Variants in PEG3 observed in about 807,000 individuals in gnomAD.
PEG3 encodes the protein paternally-expressed gene 3 protein.
Under a neutral mutation model 35.5 loss-of-function variants are expected in PEG3, and 23 were observed. The ratio of observed to expected loss-of-function variants is 0.65; its 90% CI spans 0.47 to 0.92. The LOEUF is 0.92. PEG3 is among the 40% of genes least tolerant of loss of function. The pLI is 0.00. For missense variants in PEG3, 1,960 were observed against 1,985.3 expected (o/e 0.99, Z 0.24); for synonymous variants, 707 against 697.0 (o/e 1.01, Z -0.23).
Position 56,812,602 on chromosome 19 carries a change from T to C in PEG3, c.*1073A>G. On this transcript the variant is annotated 3_prime_UTR_variant, in exon 10 of 10. Coordinates refer to ENST00000326441, the MANE Select transcript of PEG3 (RefSeq NM_006210.3). ...CCAAGCCATGTTGCTACTTGTCACT[T>C]AAGGCAGGAAGCGCACAAAGGAAGT... is the stretch of plus-strand genomic sequence containing the variant. The C allele has an allele frequency of 2.0e-6, 2 of 985,736 alleles. No homozygotes were observed. Among genetic ancestry groups the C allele is most frequent in the Non-Finnish European group, 2.4e-6 (2 of 829,886 alleles). 61.1% of individuals were successfully genotyped at this position (985,736 alleles called of 1,614,324 possible).
chr19:56,817,754 G>A lies in PEG3; in HGVS notation c.854C>T (p.Thr285Ile), dbSNP rs1412962644. 6.2e-7 allele frequency: 1 copy of A among 1,613,966 alleles called. No individual in the cohort carries two copies. Among genetic ancestry groups the A allele is most frequent in the Non-Finnish European group, 8.5e-7 (1 of 1,179,860 alleles). ...ATGTGCCTCCTGCTTACCTCGACTG[G>A]TGCTTGGGTAGGCACTTCTCTTGGA... Reference protein sequence around the residue: ...SRSKRSAYPSTSRGLKTMPEA... With the variant: ...SRSKRSAYPSISRGLKTMPEA... Residue 285 changes from threonine (T) to isoleucine (I), a missense_variant, in exon 9 of 10, where the codon ACC (threonine) becomes ATC (isoleucine). This residue lies in a region of PEG3 where 613 missense variants were observed against 577.1 expected (regional missense o/e 1.06). Transcript: ENST00000326441.
At position 56,813,302 on chromosome 19, in the gene PEG3, T is replaced by C; in HGVS notation, c.*373A>G. The C allele has an allele frequency of 1.1e-6, 1 of 951,866 alleles. No homozygotes were observed. The allele number at this position is 951,866 out of a possible 1,614,324, so 59.0% of individuals were successfully genotyped here. A position where few individuals can be genotyped will look rare whatever the true frequency, so the allele number is the denominator to read the frequency against. On this transcript the variant is annotated 3_prime_UTR_variant, in exon 10 of 10. Transcript: ENST00000326441. ...CCAAATATATGTGATCACTGTTCTGTCATAATTTGCTATTTTATATACACC... is the reference window on the plus strand; with the variant it reads ...CCAAATATATGTGATCACTGTTCTGCCATAATTTGCTATTTTATATACACC...
chr19:56,818,764 T>C, intron 7 of PEG3, 62 bp from the exon 8 acceptor site: 1 of 1,574,638 alleles, frequency 6.4e-7, no homozygotes, highest in Non-Finnish European at 8.7e-7. Context: ...AAAGACAGAA[T>C]AATGTTGGCA....
chr19:56,839,795 C>A (rs1392596673), intron 1 of PEG3, among the ~76,000 whole-genome samples: 8 of 152,254 alleles, frequency 5.3e-5, no homozygotes, highest in Non-Finnish European at 8.8e-5. Flanking sequence ...AAACCTCAGC[C>A]ACCCTCATAA....
At chr19:56,825,876 C>T in intron 3 of PEG3, among the ~76,000 whole-genome samples, 1 of 152,162 alleles carries the variant, frequency 6.6e-6, no homozygotes, top group East Asian at 1.9e-4. Flanking sequence ...TCTCATTAGA[C>T]ATTATCACTT....
At position 56,827,183 on chromosome 19, in the gene PEG3, T is replaced by C. The variant is rs543872525; in HGVS notation, c.-162-720A>G. Among the ~76,000 whole-genome samples the C allele has an allele frequency of 2.6e-5, 4 of 152,318 alleles. No homozygotes were observed. The South Asian group carries it at 6.2e-4, about 24-fold the overall frequency. On this transcript the variant is annotated intron_variant, in intron 2 of 9. Transcript: ENST00000326441. ...CACAGAAAAGAGATGGAGGACTTCC[T>C]ACAATTAATTTTGTGACCACTTGAA...
At chr19:56,837,889 G>A (rs2062366520) in intron 1 of PEG3, among the ~76,000 whole-genome samples, 1 of 152,240 alleles carries the variant, frequency 6.6e-6, no homozygotes, top group South Asian at 2.1e-4. Context: ...CTCCTACAGC[G>A]CAGCTGTCAT....
chr19:56,816,852 A>G lies in PEG3; in HGVS notation c.1590T>C (p.Gly530=). The part of the protein sequence containing the change: ...LAEHRKIHAR[G]YLVECKNQEC... ...CCTGATTCTTACATTCCACAAGATAACCTCTAGCATGAATCTTCCGATGTT... is the reference window on the plus strand; with the variant it reads ...CCTGATTCTTACATTCCACAAGATAGCCTCTAGCATGAATCTTCCGATGTT... The change falls in exon 10 of 10, where the codon GGT becomes GGC. Residue 530 remains glycine (G), a synonymous_variant. Coordinates refer to ENST00000326441, the MANE Select transcript of PEG3 (RefSeq NM_006210.3). 2 of 1,613,970 alleles carry G rather than the reference A, an allele frequency of 1.2e-6. No individual in the cohort carries two copies. The highest frequency in any genetic ancestry group is 1.7e-6 in the Non-Finnish European group (2 of 1,179,966).
Position 56,818,719 on chromosome 19 carries a change from A to G in PEG3, c.670-17T>C. On this transcript the variant is annotated splice_polypyrimidine_tract_variant and intron_variant, in intron 7 of 9. Transcript: ENST00000326441. ...TTCAGCATCCTAAAACAGCAAACAC[A>G]GACCTCTCAATGGAGTCTGTCCCCA... 1 of 1,613,618 alleles carries G rather than the reference A, an allele frequency of 6.2e-7. No homozygotes were observed. The highest frequency in any genetic ancestry group is 8.5e-7 in the Non-Finnish European group (1 of 1,179,548).
Position 56,814,322 on chromosome 19 carries a change from C to A in PEG3, c.4120G>T (p.Val1374Phe), listed in dbSNP as rs558829653. 6.2e-7 allele frequency: 1 copy of A among 1,614,166 alleles called. No homozygotes were observed. The highest frequency in any genetic ancestry group is 1.3e-5 in the African/African-American group (1 of 75,052). ...TGTGGAACATGGACATTGGCTTCAA[C>A]TTCCTGGGCTGCTGCTGCTGCAGCT... is the stretch of plus-strand genomic sequence containing the variant. ...AAAAAAAAQE[V>F]EANVHVPQVV... The change falls in exon 10 of 10, where the codon GTT becomes TTT. Residue 1374 changes from valine to phenylalanine, a missense_variant. By Grantham distance (50) the Val-to-Phe change is conservative. Transcript: ENST00000326441. This position sits in a 1 kb window ranked among gnomAD's most constrained non-coding sequence, Gnocchi z 5.8.
rs1171983423 is a variant in PEG3, at chr19:56,810,176, T to C, written c.*3499A>G. ...CAAAAACCTGTGCACAGAAACAAGA[T>C]GAAGAAAATATATCAAGATGTTAAC... On this transcript the variant is annotated 3_prime_UTR_variant, in exon 10 of 10. Transcript: ENST00000326441. The C allele has an allele frequency of 2.0e-6, 2 of 980,396 alleles. No homozygotes were observed. 60.7% of individuals were successfully genotyped at this position (980,396 alleles called of 1,614,324 possible).
At chr19:56,840,226 C>G (rs1413446594) in intron 1 of PEG3, among the ~76,000 whole-genome samples, 1 of 152,214 alleles carries the variant, frequency 6.6e-6, no homozygotes, top group Non-Finnish European at 1.5e-5. Context: ...GCTGTCTGCC[C>G]TAATGCCCCC....
At chr19:56,817,722 C>G in intron 9 of PEG3, 24 bp downstream of exon 9, 1 of 1,604,368 alleles carries the variant, frequency 6.2e-7, no homozygotes, top group Non-Finnish European at 8.5e-7. Context: ...TGTGGCTCCT[C>G]TGTGGGATGT....
At position 56,811,691 on chromosome 19, in the gene PEG3, T is replaced by C; in HGVS notation, c.*1984A>G. 1.0e-6 allele frequency: 1 copy of C among 985,574 alleles called. No homozygotes were observed. 61.1% of individuals were successfully genotyped at this position (985,574 alleles called of 1,614,324 possible). A position where few individuals can be genotyped will look rare whatever the true frequency, so the allele number is the denominator to read the frequency against. ...TCGTTTCAAGAGTCCTTTTCCCATG[T>C]AGTAAACCTCACTGCCCCTCAGCTT... On this transcript the variant is annotated 3_prime_UTR_variant, in exon 10 of 10. Coordinates refer to ENST00000326441, the MANE Select transcript of PEG3 (RefSeq NM_006210.3).
chr19:56,835,254 A>G (rs2061973956), intron 2 of PEG3, among the ~76,000 whole-genome samples: 1 of 152,162 alleles, frequency 6.6e-6, no homozygotes, highest in South Asian at 2.1e-4. Flanking sequence ...CCATGGTTAA[A>G]AGCACTTCCC....
Position 56,823,637 on chromosome 19 carries a change from C to T in PEG3, c.437G>A (p.Arg146Gln), listed in dbSNP as rs570571376. The change falls in exon 5 of 10, where the codon CGG becomes CAG. Residue 146 changes from arginine (R) to glutamine (Q), a missense_variant. Arg to Gln is a conservative substitution (Grantham distance 43). Transcript: ENST00000326441. ...AGGTGGTGAGGACTCTCTTCTGTTC[C>T]GGGTCATGTCGTCGTCGCTGGTCAC... ...SDVTSDDDMT[R>Q]NRRESSPPHS... The T allele has an allele frequency of 2.8e-5, 46 of 1,614,128 alleles. No homozygotes were observed. The highest frequency in any genetic ancestry group is 2.0e-4 in the South Asian group (18 of 91,076).
At chr19:56,823,048 C>A (rs1160228729) in intron 5 of PEG3, among the ~76,000 whole-genome samples, 1 of 152,190 alleles carries the variant, frequency 6.6e-6, no homozygotes, top group Non-Finnish European at 1.5e-5. Context: ...CCAAGTGGGG[C>A]TTGCTTCCAA....
intron 2 of PEG3, among the ~76,000 whole-genome samples, chr19:56,827,645 A>T (rs778926262): frequency 4.6e-5 from 7 of 152,256 alleles, no homozygotes; most frequent in Non-Finnish European, 1.0e-4. Flanking sequence ...CTATGAATTT[A>T]CCTCAGAGAT....
At chr19:56,832,687 A>T (rs1026134635) in intron 2 of PEG3, among the ~76,000 whole-genome samples, 3 of 152,198 alleles carry the variant, frequency 2.0e-5, no homozygotes, top group Non-Finnish European at 4.4e-5. Context: ...AGAGGCGCCA[A>T]GTGATGGGGC....
Sources: allele counts gnomAD v4.1 joint callset (sites outside exome capture counted in the v4.1 genomes callset), GRCh38; gene constraint gnomAD v4.1.1; regional missense constraint gnomAD v4.1.1; non-coding constraint Gnocchi (gnomAD v3.1); transcripts MANE v1.5; gene names NCBI Gene and HGNC (gene_info 2026-07-23, HGNC 2026-07-21).